Variants in ZNF423 observed in about 807,000 individuals in gnomAD.
ZNF423 encodes Ebf-associated zinc finger protein.
A neutral mutation model predicts 95.8 loss-of-function variants in ZNF423; 12 were observed. The observed-to-expected ratio is 0.13, with a 90% CI of 0.08 to 0.20. The LOEUF (loss-of-function observed/expected upper bound fraction) is 0.20. ZNF423 is among the 10% of genes least tolerant of loss of function. ZNF423 has a pLI of 1.00. For missense variants in ZNF423, 1,316 were observed against 1,737.1 expected, an observed-to-expected ratio of 0.76 and a Z score of 4.31; for synonymous variants, 749 against 711.9, an observed-to-expected ratio of 1.05 and a Z score of -0.83.
intron 2 of ZNF423, among the ~76,000 whole-genome samples, chr16:49,745,402 C>G (rs2033500830): frequency 6.6e-6 from 1 of 152,210 alleles, no homozygotes; most frequent in African/African-American, 2.4e-5. Context: ...CTGTCAGCAG[C>G]AGACATCCTC....
At chr16:49,819,081 T>C (rs1434774519) in intron 1 of ZNF423, among the ~76,000 whole-genome samples, 1 of 151,426 alleles carries the variant, frequency 6.6e-6, no homozygotes, top group Non-Finnish European at 1.5e-5. Context: ...TGAAACCCCG[T>C]CTCTACTAAA....
At chr16:49,650,670 T>G (rs1973367821) in intron 3 of ZNF423, among the ~76,000 whole-genome samples, 1 of 152,192 alleles carries the variant, frequency 6.6e-6, no homozygotes, top group African/African-American at 2.4e-5. Context: ...TCCCATTCAG[T>G]TAGTGAATCC....
Position 49,492,240 on chromosome 16 carries a change from A to G in ZNF423, c.3850-936T>C, listed in dbSNP as rs1966999595. On this transcript the variant is annotated intron_variant, in intron 7 of 7. Transcript: ENST00000563137. This position sits in a 1 kb window ranked among gnomAD's most constrained non-coding sequence, Gnocchi z 4.2. Reference sequence around the variant, plus strand: ...AAAGCCTCAGGTGGTGCTCCACCTCATGACACCTGGAGAAAGGAGGCAACA... The same window carrying G: ...AAAGCCTCAGGTGGTGCTCCACCTCGTGACACCTGGAGAAAGGAGGCAACA... Among the ~76,000 whole-genome samples, 1 of 152,146 alleles carries G rather than the reference A, an allele frequency of 6.6e-6. No individual in the cohort carries two copies. Among genetic ancestry groups the G allele is most frequent in the Admixed American group, 6.5e-5 (1 of 15,284 alleles).
chr16:49,728,127 T>C (rs1266241121), intron 3 of ZNF423, among the ~76,000 whole-genome samples: 1 of 152,074 alleles, frequency 6.6e-6, no homozygotes, highest in Non-Finnish European at 1.5e-5. Context: ...GCCCCAGAGA[T>C]ACCTCTGGGA....
chr16:49,561,536 A>G (rs1970016169), intron 5 of ZNF423, among the ~76,000 whole-genome samples: 1 of 152,198 alleles, frequency 6.6e-6, no homozygotes. Context: ...ATCTAAGTGA[A>G]TCTGTATGCT....
At chr16:49,569,086 T>C (rs1970281289) in intron 5 of ZNF423, among the ~76,000 whole-genome samples, 1 of 152,220 alleles carries the variant, frequency 6.6e-6, no homozygotes, top group Non-Finnish European at 1.5e-5. Context: ...CGCATGCCAC[T>C]GGTGACCAAT....
chr16:49,701,459 G>A (rs551828678), intron 3 of ZNF423, among the ~76,000 whole-genome samples: 41 of 152,244 alleles, frequency 2.7e-4, no homozygotes, highest in African/African-American at 9.1e-4. Context: ...TGTGCAGAGG[G>A]GAGGTGAGAG....
chr16:49,756,235 T>G (rs2033724548), intron 2 of ZNF423, among the ~76,000 whole-genome samples: 2 of 152,156 alleles, frequency 1.3e-5, no homozygotes, highest in Non-Finnish European at 2.9e-5. Flanking sequence ...AGGCCGCCTA[T>G]CACCAGTTAC....
intron 5 of ZNF423, among the ~76,000 whole-genome samples, chr16:49,622,030 C>G (rs1188592481): frequency 1.4e-4 from 21 of 152,196 alleles, no homozygotes; most frequent in Admixed American, 1.3e-3. Context: ...TTCAATGGCT[C>G]CCTAGCGCTT....
chr16:49,854,661 CAAAGCAGCAGGCA>C (rs2035338627), intron 1 of ZNF423: 1 of 985,266 alleles, frequency 1.0e-6, no homozygotes, highest in South Asian at 4.7e-5. Context: ...AGAATCGGGA[CAAAGCAGCAGGCA>C]AGGCCTGGAA....
intron 3 of ZNF423, among the ~76,000 whole-genome samples, chr16:49,726,964 C>T (rs559007631): frequency 6.6e-6 from 1 of 151,564 alleles, no homozygotes; most frequent in South Asian, 2.1e-4. Context: ...CGTATGTGCT[C>T]ACAACCCCAA....
At chr16:49,810,252 C>A (rs1420230600) in intron 1 of ZNF423, among the ~76,000 whole-genome samples, 1 of 152,140 alleles carries the variant, frequency 6.6e-6, no homozygotes, top group African/African-American at 2.4e-5. Context: ...CTCTGCCAGC[C>A]CCTTGCCCCC....
At chr16:49,656,224 C>T (rs147093586) in intron 3 of ZNF423, among the ~76,000 whole-genome samples, 15 of 152,244 alleles carry the variant, frequency 9.9e-5, no homozygotes, top group African/African-American at 2.9e-4. Context: ...AATGGGCAAG[C>T]GGAGGCCAGG....
chr16:49,547,149 C>T (rs762755148), intron 5 of ZNF423, among the ~76,000 whole-genome samples: 7 of 152,076 alleles, frequency 4.6e-5, no homozygotes, highest in Non-Finnish European at 8.8e-5. Context: ...CCCAAAATCT[C>T]AAGGGGTGCA....
chr16:49,757,414 A>G (rs544037023), intron 2 of ZNF423, among the ~76,000 whole-genome samples: 11 of 152,244 alleles, frequency 7.2e-5, no homozygotes, highest in Non-Finnish European at 1.6e-4. Flanking sequence ...TAAGGAGGCC[A>G]GCCCCCTGCT....
At chr16:49,591,342 T>C (rs76565611) in intron 5 of ZNF423, among the ~76,000 whole-genome samples, 49 of 152,078 alleles carry the variant, frequency 3.2e-4, no homozygotes, top group Non-Finnish European at 6.0e-4. Flanking sequence ...CAAAATAGTA[T>C]AGGCATTATA....
intron 2 of ZNF423, among the ~76,000 whole-genome samples, chr16:49,761,225 A>C (rs897950406): frequency 1.3e-5 from 2 of 152,216 alleles, no homozygotes; most frequent in Non-Finnish European, 1.5e-5. Flanking sequence ...CTGGTGGTTA[A>C]ATGTGAGAAA....
intron 1 of ZNF423, chr16:49,854,960 G>C: frequency 2.0e-6 from 2 of 985,030 alleles, no homozygotes; most frequent in Non-Finnish European, 2.4e-6. Flanking sequence ...CCCGGGGTCA[G>C]ATCCGGGGCG....
At chr16:49,736,830 G>A (rs1445194133) in intron 2 of ZNF423, among the ~76,000 whole-genome samples, 4 of 152,194 alleles carry the variant, frequency 2.6e-5, no homozygotes, top group Non-Finnish European at 5.9e-5. Flanking sequence ...CCACCTCACT[G>A]AGCTACTGCC....
Sources: allele counts gnomAD v4.1 joint callset (sites outside exome capture counted in the v4.1 genomes callset), GRCh38; gene constraint gnomAD v4.1.1; non-coding constraint Gnocchi (gnomAD v3.1); transcripts MANE v1.5; gene names NCBI Gene and HGNC (gene_info 2026-07-23, HGNC 2026-07-21).